Variants in CDH4 observed in about 807,000 individuals in gnomAD.
The protein encoded by CDH4 is cadherin 4.
A neutral mutation model predicts 86.0 loss-of-function variants in CDH4; 33 were observed. The observed-to-expected ratio is 0.38, with a 90% CI of 0.29 to 0.51. The LOEUF (loss-of-function observed/expected upper bound fraction) is 0.51. Ranked by LOEUF, CDH4 falls within the 20% of genes least tolerant of loss-of-function variation. The probability of loss-of-function intolerance (pLI) is 0.86; values close to 1 mark genes in which losing one functional copy is unlikely to be tolerated. For missense variants in CDH4, 1,114 were observed against 1,307.4 expected, an observed-to-expected ratio of 0.85 and a Z score of 2.28; for synonymous variants, 555 against 549.4, an observed-to-expected ratio of 1.01 and a Z score of -0.14.
intron 2 of CDH4, among the ~76,000 whole-genome samples, chr20:61,459,252 A>G (rs1230373638): frequency 6.6e-6 from 1 of 151,954 alleles, no homozygotes; most frequent in East Asian, 1.9e-4. Flanking sequence ...TTTTTGGTCC[A>G]TGCTGGTCAA....
intron 2 of CDH4, among the ~76,000 whole-genome samples, chr20:61,438,354 T>G (rs1388843634): frequency 1.3e-5 from 2 of 152,188 alleles, no homozygotes; most frequent in Non-Finnish European, 2.9e-5. Context: ...GCAATTTGAG[T>G]GTGTTTTTTC....
At chr20:61,732,189 G>A (rs554240421) in intron 2 of CDH4, among the ~76,000 whole-genome samples, 19 of 152,268 alleles carry the variant, frequency 1.2e-4, no homozygotes, top group Non-Finnish European at 2.5e-4. Context: ...ATGCATATGC[G>A]TTTGCCTCCC....
chr20:61,886,804 G>A (rs2427228), intron 7 of CDH4, among the ~76,000 whole-genome samples: 135,292 of 152,256 alleles, frequency 0.89, 60,505 homozygotes, highest in Non-Finnish European at 0.93. Context: ...TGTGCCACAC[G>A]GGCCCTTGGA....
intron 2 of CDH4, among the ~76,000 whole-genome samples, chr20:61,741,658 A>G (rs539674416): frequency 6.6e-6 from 1 of 151,934 alleles, no homozygotes; most frequent in Admixed American, 6.6e-5. Context: ...CGCCCGGCTA[A>G]CTTTTTGTAT....
chr20:61,541,208 G>A (rs1055105971), intron 2 of CDH4, among the ~76,000 whole-genome samples: 5 of 152,234 alleles, frequency 3.3e-5, no homozygotes, highest in Non-Finnish European at 5.9e-5. Context: ...GTTGAATCCC[G>A]GCTCATGTGC....
intron 3 of CDH4, among the ~76,000 whole-genome samples, chr20:61,758,945 A>G (rs1389017228): frequency 6.6e-6 from 1 of 152,174 alleles, no homozygotes; most frequent in Non-Finnish European, 1.5e-5. Flanking sequence ...GGGTGTACAC[A>G]TGTATATGAG....
intron 2 of CDH4, among the ~76,000 whole-genome samples, chr20:61,592,989 G>C (rs1221615471): frequency 6.6e-6 from 1 of 152,142 alleles, no homozygotes; most frequent in African/African-American, 2.4e-5. Flanking sequence ...TGCACTCACA[G>C]GGTCCTTATA....
chr20:61,566,214 G>A (rs73322267), intron 2 of CDH4, among the ~76,000 whole-genome samples: 4,033 of 152,276 alleles, frequency 0.026, 174 homozygotes, highest in African/African-American at 0.09. Context: ...TGACTCCTCC[G>A]CTGTCCTGCT....
chr20:61,723,930 G>GC (rs11204445), intron 2 of CDH4, among the ~76,000 whole-genome samples: 17 of 103,196 alleles, frequency 1.6e-4, no homozygotes, highest in African/African-American at 5.1e-4. Context: ...CATGTGGCAG[G>GC]GGGGTAGGTC....
At chr20:61,322,810 G>C (rs376575584) in intron 2 of CDH4, among the ~76,000 whole-genome samples, 6 of 152,206 alleles carry the variant, frequency 3.9e-5, no homozygotes, top group Admixed American at 3.9e-4. Context: ...CCCTGGTTCA[G>C]TTCCCAGTGG....
intron 2 of CDH4, among the ~76,000 whole-genome samples, chr20:61,381,834 G>A (rs1216229979): frequency 6.6e-6 from 1 of 152,194 alleles, no homozygotes; most frequent in African/African-American, 2.4e-5. Flanking sequence ...CTAGCACTTT[G>A]AGAAGCTGGG....
At chr20:61,848,675 GCCA>G (rs1982574785) in intron 5 of CDH4, among the ~76,000 whole-genome samples, 1 of 152,090 alleles carries the variant, frequency 6.6e-6, no homozygotes, top group Non-Finnish European at 1.5e-5. Flanking sequence ...ACAGGCACCC[GCCA>G]CCACGCCCAG....
intron 6 of CDH4, among the ~76,000 whole-genome samples, chr20:61,868,713 C>T (rs1257886951): frequency 6.6e-6 from 1 of 152,224 alleles, no homozygotes; most frequent in African/African-American, 2.4e-5. Flanking sequence ...GGCAGGTGTC[C>T]CCCCACACTG....
At chr20:61,831,724 TG>T (rs1198728663) in intron 4 of CDH4, among the ~76,000 whole-genome samples, 3 of 152,028 alleles carry the variant, frequency 2.0e-5, no homozygotes, top group Non-Finnish European at 4.4e-5. Flanking sequence ...CTGGGCGGGG[TG>T]GGGGGACAGG....
intron 3 of CDH4, among the ~76,000 whole-genome samples, chr20:61,749,032 C>T (rs944003137): frequency 1.7e-5 from 2 of 119,706 alleles, no homozygotes; most frequent in African/African-American, 6.9e-5. Context: ...GCAGTAAAAT[C>T]CTAGAGAAAT....
chr20:61,764,797 C>T (rs1394628469), intron 3 of CDH4, among the ~76,000 whole-genome samples: 1 of 152,198 alleles, frequency 6.6e-6, no homozygotes, highest in Non-Finnish European at 1.5e-5. Flanking sequence ...CAGGCATCCA[C>T]GTAGCTCCGG....
chr20:61,873,356 A>T (rs1159411423), intron 6 of CDH4, among the ~76,000 whole-genome samples: 1 of 152,180 alleles, frequency 6.6e-6, no homozygotes, highest in Non-Finnish European at 1.5e-5. Flanking sequence ...CAGGAGTGGA[A>T]GCACCTTGGA....
chr20:61,393,962 T>C lies in CDH4; in HGVS notation c.169+139025T>C, dbSNP rs1435860247. ...TGCCCCATATTCTATTATACCAATG[T>C]AATCTAATAACATTGCTCTATCTGC... On this transcript the variant is annotated intron_variant, in intron 2 of 15. Coordinates refer to ENST00000614565, the MANE Select transcript of CDH4 (RefSeq NM_001794.5). The surrounding 1 kb of genome is among the most constrained non-coding windows in gnomAD (Gnocchi z 4.3). 2.0e-5 allele frequency among the ~76,000 whole-genome samples: 3 copies of C among 152,204 alleles called. No individual in the cohort carries two copies. Among genetic ancestry groups the C allele is most frequent in the African/African-American group, 7.2e-5 (3 of 41,450 alleles).
chr20:61,710,445 C>G (rs562391566), intron 2 of CDH4, among the ~76,000 whole-genome samples: 15 of 152,252 alleles, frequency 9.9e-5, no homozygotes, highest in Non-Finnish European at 1.6e-4. Flanking sequence ...GGCCCTGAGT[C>G]CTCGCTCCTG....
Sources: allele counts gnomAD v4.1 joint callset (sites outside exome capture counted in the v4.1 genomes callset), GRCh38; gene constraint gnomAD v4.1.1; non-coding constraint Gnocchi (gnomAD v3.1); transcripts MANE v1.5; gene names NCBI Gene and HGNC (gene_info 2026-07-23, HGNC 2026-07-21).